The following SLC3A1 variants were observed in gnomAD, a reference collection of about 807,000 sequenced individuals.
The protein encoded by SLC3A1 is solute carrier family 3 member 1, also known as amino acid transporter heavy chain SLC3A1.
Under a neutral mutation model 60.3 loss-of-function variants are expected in SLC3A1, and 78 were observed. That is an observed-to-expected ratio of 1.29 (90% CI 1.08 to 1.56). The LOEUF is 1.56. Among genes scored for constraint, SLC3A1 ranks in the 40% most tolerant of loss-of-function variants. The pLI is 0.00. For missense variants in SLC3A1, 1,172 were observed against 858.9 expected (o/e 1.36, Z -4.56); for synonymous variants, 392 against 307.9 (o/e 1.27, Z -2.86).
chr2:44,313,071 T>G (rs1324555996), intron 8 of SLC3A1, among the ~76,000 whole-genome samples: 1 of 152,184 alleles, frequency 6.6e-6, no homozygotes, highest in Non-Finnish European at 1.5e-5. Context: ...ACACTAAAAT[T>G]GGAGAACCGG....
At chr2:44,296,658 G>C (rs1671854691) in intron 4 of SLC3A1, among the ~76,000 whole-genome samples, 1 of 152,178 alleles carries the variant, frequency 6.6e-6, no homozygotes, top group Non-Finnish European at 1.5e-5. Flanking sequence ...TTTAGCTGTT[G>C]AGACCCTTGA....
chr2:44,288,875 C>T (rs944767499), intron 4 of SLC3A1, among the ~76,000 whole-genome samples: 1 of 152,092 alleles, frequency 6.6e-6, no homozygotes, highest in African/African-American at 2.4e-5. Context: ...CACTCTGTCA[C>T]CCAGGCTGGA....
At chr2:44,303,817 G>A (rs571875333) in intron 6 of SLC3A1, 3 of 485,644 alleles carry the variant, frequency 6.2e-6, no homozygotes, top group South Asian at 2.2e-5. Context: ...ACCTATGAGT[G>A]AGAACATGCG....
intron 1 of SLC3A1, 60 bp from the exon 2 acceptor site, chr2:44,280,656 T>G (rs986510595): frequency 8.5e-7 from 1 of 1,173,730 alleles, no homozygotes; most frequent in Non-Finnish European, 1.3e-6. Flanking sequence ...TTTGTTATAT[T>G]TTTTGTCCTT....
chr2:44,300,926 G>A, intron 5 of SLC3A1, 77 bp from the exon 6 acceptor site: 10 of 1,577,618 alleles, frequency 6.3e-6, no homozygotes, highest in Non-Finnish European at 8.7e-6. Context: ...TGAAGAGGTT[G>A]TCTACATTCA....
chr2:44,315,976 G>A, intron 9 of SLC3A1, among the ~76,000 whole-genome samples: 1 of 152,246 alleles, frequency 6.6e-6, no homozygotes, highest in South Asian at 2.1e-4. Context: ...ACTCAGCTCA[G>A]AGTCACAGAC....
chr2:44,319,448 G>A (rs551383958), intron 9 of SLC3A1: 5 of 152,352 alleles, frequency 3.3e-5, no homozygotes, highest in Non-Finnish European at 5.9e-5. Flanking sequence ...GAAAGGGCAT[G>A]GCTGAGTATG....
intron 6 of SLC3A1, 154 bp downstream of exon 6, chr2:44,301,281 A>G (rs1325656570): frequency 7.4e-6 from 7 of 951,042 alleles, no homozygotes; most frequent in Non-Finnish European, 1.0e-5. Context: ...AGGGCCTGCC[A>G]TATTCCTTTC....
chr2:44,283,914 C>G (rs1671553326), intron 3 of SLC3A1, among the ~76,000 whole-genome samples: 1 of 151,224 alleles, frequency 6.6e-6, no homozygotes. Context: ...CTTCAGGTAG[C>G]TATGGTTCAT....
At chr2:44,298,856 G>C (rs1427830601) in intron 4 of SLC3A1, among the ~76,000 whole-genome samples, 2 of 149,442 alleles carry the variant, frequency 1.3e-5, no homozygotes, top group East Asian at 3.9e-4. Flanking sequence ...GGCAGGAGAG[G>C]AGAGTGAGCC....
intron 9 of SLC3A1, chr2:44,319,780 G>C (rs1672768856): frequency 5.7e-6 from 1 of 176,226 alleles, no homozygotes; most frequent in African/African-American, 2.4e-5. Flanking sequence ...AGTCTACAAA[G>C]GGGAACAAAC....
At chr2:44,311,997 G>A (rs1416345755) in intron 7 of SLC3A1, among the ~76,000 whole-genome samples, 4 of 152,100 alleles carry the variant, frequency 2.6e-5, no homozygotes, top group Admixed American at 6.5e-5. Context: ...TATGGAGAGA[G>A]TTGTCAGGTG....
At chr2:44,320,034 A>G in intron 9 of SLC3A1, 165 bp from the exon 10 acceptor site, 1 of 620,600 alleles carries the variant, frequency 1.6e-6, no homozygotes, top group South Asian at 2.0e-5. Flanking sequence ...ATCAGTTTTT[A>G]TATAAATTGT....
intron 4 of SLC3A1, among the ~76,000 whole-genome samples, chr2:44,287,440 A>G (rs1671644602): frequency 6.6e-6 from 1 of 152,194 alleles, no homozygotes; most frequent in South Asian, 2.1e-4. Context: ...CATGGAGGCC[A>G]GAGTGTAGGG....
At chr2:44,314,233 A>T in intron 9 of SLC3A1, 1 of 745,024 alleles carries the variant, frequency 1.3e-6, no homozygotes, top group African/African-American at 1.8e-5. Context: ...AGGAAATTTT[A>T]TGAAGTTTTT....
chr2:44,286,165 T>TA lies in SLC3A1; in HGVS notation c.891+9dup, dbSNP rs1558455732. On this transcript the variant is annotated intron_variant, in intron 4 of 9. Coordinates refer to ENST00000260649, the MANE Select transcript of SLC3A1 (RefSeq NM_000341.4). ...GTTCAAGAAGAAATAAAAGTGAGTA[T>TA]AGATACCCACACAGACTTCTCCATT... 8 of 1,613,456 alleles carry TA rather than the reference T, an allele frequency of 5.0e-6. No homozygotes were observed. The South Asian group carries it at 8.8e-5, about 18-fold the overall frequency.
At chr2:44,289,580 T>C (rs1671692948) in intron 4 of SLC3A1, among the ~76,000 whole-genome samples, 1 of 152,118 alleles carries the variant, frequency 6.6e-6, no homozygotes, top group East Asian at 1.9e-4. Context: ...TTTTACTTTC[T>C]TGATGGTGCC....
intron 7 of SLC3A1, among the ~76,000 whole-genome samples, chr2:44,307,343 A>C (rs1327073119): frequency 6.6e-6 from 1 of 152,180 alleles, no homozygotes; most frequent in African/African-American, 2.4e-5. Flanking sequence ...ATTCTCTCTG[A>C]TATATATCCA....
chr2:44,320,281 G>A lies in SLC3A1; in HGVS notation c.1700G>A (p.Arg567Lys). Residue 567 changes from arginine to lysine, a missense_variant, in exon 10 of 10, where the codon AGG (arginine) becomes AAG (lysine). Transcript: ENST00000260649. ...CATGCCAATGAGCTACTCCTCAACAGGGGCTGGTTTTGCCATTTGAGGAAT... is the reference window on the plus strand; with the variant it reads ...CATGCCAATGAGCTACTCCTCAACAAGGGCTGGTTTTGCCATTTGAGGAAT... ...LLHANELLLN[R>K]GWFCHLRNDS... is the part of the protein sequence containing the mutation. 1.9e-6 allele frequency: 3 copies of A among 1,613,970 alleles called. No homozygotes were observed. The highest frequency in any genetic ancestry group is 2.5e-6 in the Non-Finnish European group (3 of 1,179,882).
Sources: allele counts gnomAD v4.1 joint callset (sites outside exome capture counted in the v4.1 genomes callset), GRCh38; gene constraint gnomAD v4.1.1; transcripts MANE v1.5; gene names NCBI Gene and HGNC (gene_info 2026-07-23, HGNC 2026-07-21).